SLC30A6: variants seen among roughly 807,000 people sequenced by gnomAD.
SLC30A6 encodes zinc transporter 6.
In SLC30A6, 55 loss-of-function variants were observed where a neutral mutation model predicts 63.0. The observed-to-expected ratio is 0.87, with a 90% CI of 0.70 to 1.09. SLC30A6 has a LOEUF of 1.09. Ranked by LOEUF, SLC30A6 falls within the 50% of genes least tolerant of loss-of-function variation. The pLI is 0.00. For missense variants in SLC30A6, 587 were observed against 549.2 expected (o/e 1.07, Z -0.69); for synonymous variants, 224 against 186.1 (o/e 1.20, Z -1.66).
At chr2:32,219,496 G>A (rs573913035) in intron 13 of SLC30A6, among the ~76,000 whole-genome samples, 13 of 151,830 alleles carry the variant, frequency 8.6e-5, no homozygotes, top group Admixed American at 8.5e-4. Context: ...GTGCAGTGGT[G>A]CGATCTTGGC....
At chr2:32,172,090 C>T (rs1681276629) in intron 2 of SLC30A6, among the ~76,000 whole-genome samples, 1 of 152,126 alleles carries the variant, frequency 6.6e-6, no homozygotes, top group Admixed American at 6.6e-5. Flanking sequence ...CCAATGTAAA[C>T]CTTCTAGTTA....
chr2:32,180,922 A>AC, intron 4 of SLC30A6, among the ~76,000 whole-genome samples: 1 of 152,218 alleles, frequency 6.6e-6, no homozygotes, highest in African/African-American at 2.4e-5. Flanking sequence ...TTAGAGGCTC[A>AC]CAATCTGCCA....
chr2:32,203,358 T>C, intron 10 of SLC30A6: 1 of 960,624 alleles, frequency 1.0e-6, no homozygotes, highest in Non-Finnish European at 1.7e-6. Flanking sequence ...CCTTCTACAA[T>C]GGATTTAGTT....
chr2:32,201,959 A>G (rs138639849), intron 10 of SLC30A6: 20 of 1,435,744 alleles, frequency 1.4e-5, no homozygotes, highest in African/African-American at 1.1e-4. Context: ...AGACTTTCAG[A>G]TGAATTCTCT....
chr2:32,194,311 A>T (rs1329044639), intron 8 of SLC30A6, among the ~76,000 whole-genome samples: 1 of 152,216 alleles, frequency 6.6e-6, no homozygotes, highest in African/African-American at 2.4e-5. Context: ...GCATTTTAGA[A>T]GTATCAGTAT....
chr2:32,177,857 A>G (rs1006738336), intron 4 of SLC30A6, among the ~76,000 whole-genome samples: 14 of 151,570 alleles, frequency 9.2e-5, no homozygotes, highest in Non-Finnish European at 2.1e-4. Context: ...TCGAACTCCC[A>G]AACTCAAGTC....
At chr2:32,220,003 C>CT (rs1197251841) in intron 13 of SLC30A6, among the ~76,000 whole-genome samples, 2 of 151,944 alleles carry the variant, frequency 1.3e-5, no homozygotes, top group East Asian at 1.9e-4. Flanking sequence ...ATGGATATTT[C>CT]TTTTTTTGTA....
chr2:32,200,541 T>A (rs1280348630), intron 10 of SLC30A6, among the ~76,000 whole-genome samples: 1 of 151,266 alleles, frequency 6.6e-6, no homozygotes, highest in Non-Finnish European at 1.5e-5. Flanking sequence ...ATCCTGTTGA[T>A]CTATGACCTT....
chr2:32,178,888 A>C (rs1457754046), intron 4 of SLC30A6, among the ~76,000 whole-genome samples: 1 of 152,106 alleles, frequency 6.6e-6, no homozygotes, highest in Non-Finnish European at 1.5e-5. Flanking sequence ...CTAAACAGGC[A>C]TTCTTTTTTC....
At chr2:32,170,201 C>A (rs577561930) in intron 1 of SLC30A6, among the ~76,000 whole-genome samples, 19 of 152,220 alleles carry the variant, frequency 1.2e-4, no homozygotes, top group African/African-American at 4.6e-4. Flanking sequence ...TCTAGACTTT[C>A]TTCAGTCAAG....
At chr2:32,183,985 G>A (rs1327844552) in intron 4 of SLC30A6, among the ~76,000 whole-genome samples, 1 of 152,082 alleles carries the variant, frequency 6.6e-6, no homozygotes, top group African/African-American at 2.4e-5. Flanking sequence ...ATTGTGTAGT[G>A]GAAGTATGAA....
chr2:32,203,825 C>G, intron 10 of SLC30A6: 1 of 1,428,962 alleles, frequency 7.0e-7, no homozygotes, highest in Non-Finnish European at 9.9e-7. Context: ...TCTTCTAATT[C>G]CAGACAGAGG....
chr2:32,209,626 A>G (rs531954091), intron 13 of SLC30A6, 65 bp downstream of exon 13: 16 of 1,370,706 alleles, frequency 1.2e-5, no homozygotes, highest in Non-Finnish European at 1.6e-5. Flanking sequence ...TTAAAACTGA[A>G]AAAAAATATT....
chr2:32,215,551 T>C (rs2148908295), intron 13 of SLC30A6, among the ~76,000 whole-genome samples: 1 of 145,864 alleles, frequency 6.9e-6, no homozygotes, highest in Non-Finnish European at 1.5e-5. Context: ...ATTAGGCAAA[T>C]AGTACCCAAT....
intron 1 of SLC30A6, among the ~76,000 whole-genome samples, chr2:32,169,399 A>G (rs193196854): frequency 0.01 from 1,552 of 151,572 alleles, 32 homozygotes; most frequent in African/African-American, 0.035. Context: ...CTGGTCTTGA[A>G]CTCCTGGGCT....
intron 10 of SLC30A6, chr2:32,203,153 T>C (rs1684443747): frequency 7.9e-7 from 1 of 1,259,228 alleles, no homozygotes; most frequent in African/African-American, 1.5e-5. Context: ...CTGCCTGTGG[T>C]TTGGACATTC....
chr2:32,167,006 A>G (rs532477766), intron 1 of SLC30A6, among the ~76,000 whole-genome samples: 67 of 151,962 alleles, frequency 4.4e-4, no homozygotes, highest in African/African-American at 1.6e-3. Context: ...TGTAGCACTC[A>G]AGATAAAGTC....
chr2:32,220,427 C>T lies in SLC30A6; in HGVS notation c.1100C>T (p.Thr367Ile). 1.2e-6 allele frequency: 2 copies of T among 1,614,200 alleles called. No homozygotes were observed. The highest frequency in any genetic ancestry group is 1.7e-6 in the Non-Finnish European group (2 of 1,180,026). ...ATCCCAATGCCTCTTTTAAAGGGTA[C>T]TGATGATTTGAACCCAGTTACATCA... is the stretch of plus-strand genomic sequence containing the variant. ...HVIPMPLLKG[T>I]DDLNPVTSTP... Residue 367 changes from threonine (T) to isoleucine (I), a missense_variant, in exon 14 of 14, where the codon ACT (threonine) becomes ATT (isoleucine). Transcript: ENST00000282587.
At position 32,218,461 on chromosome 2, in the gene SLC30A6, A is replaced by G. The variant is rs114355139; in HGVS notation, c.886-1752A>G. 1.5e-3 allele frequency among the ~76,000 whole-genome samples: 233 copies of G among 150,954 alleles called. 1 individual carries two copies. The highest frequency in any genetic ancestry group is 5.4e-3 in the African/African-American group (221 of 40,806). On this transcript the variant is annotated intron_variant, in intron 13 of 13. Coordinates refer to ENST00000282587, the MANE Select transcript of SLC30A6 (RefSeq NM_017964.5). ...GTCCTTCCATTACTACCTCTGGAATATGATATATCTGTCTGTCCCTCTCTG... is the reference window on the plus strand; with the variant it reads ...GTCCTTCCATTACTACCTCTGGAATGTGATATATCTGTCTGTCCCTCTCTG...
Sources: gnomAD v4.1 joint callset for allele counts (sites outside exome capture counted in the v4.1 genomes callset) on GRCh38, gnomAD v4.1.1 for gene constraint, MANE v1.5 for transcripts, NCBI Gene and HGNC (gene_info 2026-07-23, HGNC 2026-07-21) for gene names.